MTAP: variants seen among roughly 807,000 people sequenced by gnomAD.
MTAP encodes methylthioadenosine phosphorylase, also known as S-methyl-5'-thioadenosine phosphorylase.
MTAP carries 33 observed loss-of-function variants against 33.6 expected under a neutral mutation model. The ratio of observed to expected loss-of-function variants is 0.98; its 90% CI spans 0.74 to 1.31. MTAP has a LOEUF of 1.31. Among genes scored for constraint, MTAP ranks in the 40% most tolerant of loss-of-function variants. The probability of loss-of-function intolerance (pLI) is 0.00; values close to 1 mark genes in which losing one functional copy is unlikely to be tolerated. For missense variants in MTAP, 367 were observed against 360.0 expected (o/e 1.02, Z -0.16); for synonymous variants, 148 against 125.7 (o/e 1.18, Z -1.19).
rs1825828816 is a variant in MTAP, at chr9:21,865,015, G to C, written c.*3001G>C. On this transcript the variant is annotated 3_prime_UTR_variant, in exon 8 of 8. Coordinates refer to ENST00000644715, the MANE Select transcript of MTAP (RefSeq NM_002451.4). ...TTTGATAAGGTTTCAAGGAGTATCT[G>C]ATGGGTTAGGAAGTCACGAAATGAG... is the stretch of plus-strand genomic sequence containing the variant. 1 of 985,352 alleles carries C rather than the reference G, an allele frequency of 1.0e-6. No homozygotes were observed. The highest frequency in any genetic ancestry group is 6.1e-5 in the Admixed American group (1 of 16,270). The allele number at this position is 985,352 out of a possible 1,614,324, so 61.0% of individuals were successfully genotyped here. A position where few individuals can be genotyped will look rare whatever the true frequency, so the allele number is the denominator to read the frequency against.
At chr9:21,846,562 C>G (rs947229889) in intron 5 of MTAP, among the ~76,000 whole-genome samples, 1 of 152,118 alleles carries the variant, frequency 6.6e-6, no homozygotes, top group Non-Finnish European at 1.5e-5. Flanking sequence ...GCAAGAATGG[C>G]CATAATTTAA....
chr9:21,858,987 T>C (rs149356708), intron 6 of MTAP: 22 of 209,836 alleles, frequency 1.0e-4, no homozygotes, highest in South Asian at 3.7e-4. Context: ...ATTTGGTGTC[T>C]AGTGAGAGCC....
At chr9:21,811,007 C>T (rs967176034) in intron 1 of MTAP, among the ~76,000 whole-genome samples, 2 of 152,016 alleles carry the variant, frequency 1.3e-5, no homozygotes, top group Admixed American at 6.5e-5. Flanking sequence ...TGAGGGCCTC[C>T]GTCTGCTGTG....
chr9:21,803,032 A>ACACACACACACACACACACC, intron 1 of MTAP: 1 of 1,009,988 alleles, frequency 9.9e-7, no homozygotes, highest in Non-Finnish European at 1.3e-6. Context: ...ACACACACAC[A>ACACACACACACACACACACC]CACACCACCT....
intron 1 of MTAP, among the ~76,000 whole-genome samples, chr9:21,921,976 G>A (rs935299231): frequency 1.3e-5 from 2 of 152,084 alleles, no homozygotes; most frequent in African/African-American, 4.8e-5. Flanking sequence ...ATTAGGTGAT[G>A]GTCAGGTAGT....
downstream of MTAP, among the ~76,000 whole-genome samples, chr9:21,938,501 G>A (rs778341686): frequency 6.6e-5 from 10 of 151,984 alleles, no homozygotes; most frequent in Non-Finnish European, 1.0e-4. Context: ...TGCATAGGAA[G>A]TTGTCAAATA....
intron 4 of MTAP, among the ~76,000 whole-genome samples, chr9:21,826,928 T>C (rs1824827442): frequency 1.3e-5 from 2 of 152,070 alleles, no homozygotes; most frequent in Non-Finnish European, 2.9e-5. Flanking sequence ...AGGAACCCAA[T>C]TGTGAACTGC....
At chr9:21,938,435 G>A (rs562027039), downstream of MTAP, among the ~76,000 whole-genome samples, 140 of 144,198 alleles carry the variant, frequency 9.7e-4, no homozygotes, top group Non-Finnish European at 1.1e-3. Context: ...TGAGACCTTG[G>A]AAAAAAAAAG....
chr9:21,938,305 T>C (rs1484311227), downstream of MTAP, among the ~76,000 whole-genome samples: 1 of 145,860 alleles, frequency 6.9e-6, no homozygotes, highest in Non-Finnish European at 1.5e-5. Context: ...CCTAACATGG[T>C]GTCATGCCTG....
intron 1 of MTAP, among the ~76,000 whole-genome samples, chr9:21,888,373 G>A (rs1473148019): frequency 6.6e-6 from 1 of 152,058 alleles, no homozygotes; most frequent in Non-Finnish European, 1.5e-5. Flanking sequence ...TTGTTTCTTT[G>A]TTGACTTTTG....
At chr9:21,851,311 C>G (rs557149972) in intron 5 of MTAP, among the ~76,000 whole-genome samples, 1 of 152,282 alleles carries the variant, frequency 6.6e-6, no homozygotes, top group South Asian at 2.1e-4. Flanking sequence ...GAAATGAGGA[C>G]TGTAATTGTC....
intron 1 of MTAP, among the ~76,000 whole-genome samples, chr9:21,886,819 C>T (rs914401410): frequency 6.6e-6 from 1 of 152,116 alleles, no homozygotes; most frequent in Non-Finnish European, 1.5e-5. Context: ...ATACCAGTAC[C>T]ATGCTGTTTT....
At chr9:21,939,387 C>T (rs1563877414), downstream of MTAP, among the ~76,000 whole-genome samples, 1 of 152,144 alleles carries the variant, frequency 6.6e-6, no homozygotes, top group South Asian at 2.1e-4. Context: ...TCAGATTTAA[C>T]GTAACTTTTT....
intron 1 of MTAP, among the ~76,000 whole-genome samples, chr9:21,897,079 T>C (rs1396990412): frequency 6.6e-6 from 1 of 152,104 alleles, no homozygotes; most frequent in Admixed American, 6.5e-5. Flanking sequence ...GTTCAACATA[T>C]GCAAATCAAT....
intron 6 of MTAP, among the ~76,000 whole-genome samples, chr9:21,857,501 C>G (rs57406089): frequency 1.3e-5 from 2 of 152,182 alleles, no homozygotes; most frequent in Admixed American, 6.5e-5. Flanking sequence ...TGCTGGATTT[C>G]TTCGAAGCAT....
At position 21,859,845 on chromosome 9, in the gene MTAP, GA is replaced by G. The variant is rs199596129; in HGVS notation, c.813+424del. 874 of 153,544 alleles carry G rather than the reference GA, an allele frequency of 5.7e-3. 16 individuals carry two copies. Among genetic ancestry groups the G allele is most frequent in the East Asian group, 0.054 (280 of 5,226 alleles). 9.5% of individuals were successfully genotyped at this position (153,544 alleles called of 1,614,324 possible). On this transcript the variant is annotated intron_variant, in intron 7 of 7. Transcript: ENST00000644715. Reference sequence around the variant, plus strand: ...TGACAATAGTACCAAAATGGTGCCAGAAAATATCTGCTTAAGGTTAATCATG... The same window carrying G: ...TGACAATAGTACCAAAATGGTGCCAGAAATATCTGCTTAAGGTTAATCATG...
intron 1 of MTAP, chr9:21,930,007 T>G (rs1818931170): frequency 7.1e-6 from 3 of 423,862 alleles, no homozygotes; most frequent in South Asian, 6.0e-5. Flanking sequence ...TTCAGGCAAC[T>G]TTGCTAATTA....
intron 1 of MTAP, among the ~76,000 whole-genome samples, chr9:21,913,718 G>T (rs1035011447): frequency 6.6e-6 from 1 of 152,146 alleles, no homozygotes; most frequent in African/African-American, 2.4e-5. Context: ...ATAGGCATGG[G>T]CAAGGACTTC....
At chr9:21,902,639 A>G (rs1818411000) in intron 1 of MTAP, among the ~76,000 whole-genome samples, 1 of 152,204 alleles carries the variant, frequency 6.6e-6, no homozygotes, top group Non-Finnish European at 1.5e-5. Flanking sequence ...AGTATTCTCA[A>G]TCCAATAATG....
Sources: allele counts gnomAD v4.1 joint callset (sites outside exome capture counted in the v4.1 genomes callset), GRCh38; gene constraint gnomAD v4.1.1; transcripts MANE v1.5; gene names NCBI Gene and HGNC (gene_info 2026-07-23, HGNC 2026-07-21).